ZFR2: variants seen among roughly 807,000 people sequenced by gnomAD.
ZFR2 encodes zinc finger RNA binding protein 2, also known as zinc finger RNA-binding protein 2.
A neutral mutation model predicts 105.7 loss-of-function variants in ZFR2; 104 were observed. The ratio of observed to expected loss-of-function variants is 0.98; its 90% CI spans 0.84 to 1.16. The LOEUF (loss-of-function observed/expected upper bound fraction) is 1.16. ZFR2 is among the 50% of genes most tolerant of loss of function. The pLI is 0.00. For missense variants in ZFR2, 1,425 were observed against 1,355.5 expected (o/e 1.05, Z -0.80); for synonymous variants, 634 against 597.7 (o/e 1.06, Z -0.89).
chr19:3,807,115 G>A, intron 18 of ZFR2, 57 bp downstream of exon 18: 1 of 1,341,858 alleles, frequency 7.5e-7, no homozygotes, highest in Admixed American at 2.1e-5. Flanking sequence ...ACACTGCACA[G>A]CTGCAAGCCG....
intron 1 of ZFR2, among the ~76,000 whole-genome samples, chr19:3,848,576 G>A (rs981006720): frequency 2.6e-5 from 4 of 152,012 alleles, no homozygotes; most frequent in Non-Finnish European, 4.4e-5. Flanking sequence ...AGGCATGGTG[G>A]TGCACCTGCA....
In ZFR2 at chr19:3,831,733, C is replaced by A; in HGVS notation, c.525G>T (p.Gln175His). 1 of 1,604,172 alleles carries A rather than the reference C, an allele frequency of 6.2e-7. No homozygotes were observed. The highest frequency in any genetic ancestry group is 8.5e-7 in the Non-Finnish European group (1 of 1,175,410). Residue 175 changes from glutamine (Q) to histidine (H), a missense_variant, in exon 4 of 19, where the codon CAG becomes CAT. Gln to His is a conservative substitution (Grantham distance 24). Transcript: ENST00000262961. ...GYTYPTATGV[Q>H]PESSASIVTS... ...TCACGATGGAAGCTGACGACTCGGG[C>A]TGGACGCCTGTCGCCGTGGGGTAGG... is the stretch of plus-strand genomic sequence containing the variant.
chr19:3,814,875 G>T (rs755894622), intron 13 of ZFR2, among the ~76,000 whole-genome samples: 1 of 151,866 alleles, frequency 6.6e-6, no homozygotes, highest in South Asian at 2.1e-4. Flanking sequence ...TCATTCCCTC[G>T]TGCCCACCCC....
chr19:3,847,773 G>C (rs2038197796), intron 1 of ZFR2, among the ~76,000 whole-genome samples: 1 of 151,946 alleles, frequency 6.6e-6, no homozygotes, highest in Non-Finnish European at 1.5e-5. Context: ...TTCTAGAGTG[G>C]CTTCTTGTCC....
At chr19:3,811,396 G>A (rs1052815135) in intron 14 of ZFR2, 30 bp from the exon 15 acceptor site, 29 of 1,549,586 alleles carry the variant, frequency 1.9e-5, no homozygotes, top group Non-Finnish European at 2.4e-5. Context: ...GAGGTGTGCG[G>A]GGAAGGTGCC....
chr19:3,866,887 T>C (rs1032151421), intron 1 of ZFR2, among the ~76,000 whole-genome samples: 1 of 152,176 alleles, frequency 6.6e-6, no homozygotes, highest in Non-Finnish European at 1.5e-5. Context: ...CATAGATTCT[T>C]TCCCTAATAG....
chr19:3,827,005 G>A (rs1487436746), intron 6 of ZFR2, among the ~76,000 whole-genome samples: 1 of 152,126 alleles, frequency 6.6e-6, no homozygotes, highest in African/African-American at 2.4e-5. Flanking sequence ...ACTTTGGGAG[G>A]CTGAGGCGGG....
At position 3,867,717 on chromosome 19, in the gene ZFR2, C is replaced by T. The variant is rs79085362; in HGVS notation, c.53+1248G>A. On this transcript the variant is annotated intron_variant, in intron 1 of 18. Transcript: ENST00000262961. ...CCCTCTTATTTGACCTCAGGACCTC[C>T]TCCCACATAATACTGGCTTCCCGCC... is the stretch of plus-strand genomic sequence containing the variant. 6.2e-3 allele frequency among the ~76,000 whole-genome samples: 946 copies of T among 152,186 alleles called. 12 individuals are homozygous for T. The highest frequency in any genetic ancestry group is 0.022 in the African/African-American group (914 of 41,500).
rs746471793 is a variant in ZFR2, at chr19:3,823,265, C to A, written c.1352G>T (p.Gly451Val). Residue 451 changes from glycine (G) to valine (V), a missense_variant, in exon 8 of 19, where the codon GGC becomes GTC. Gly to Val is a moderately radical substitution (Grantham distance 109, BLOSUM62 -3). Transcript: ENST00000262961. The surrounding 1 kb of genome is among the most constrained non-coding windows in gnomAD (Gnocchi z 5.4). ...PAGCSDAQPVGPEYVEEVFSD... is the reference protein window; with the variant it reads ...PAGCSDAQPVVPEYVEEVFSD... ...ACTTACCTCCTCCACATATTCCGGG[C>A]CCACCGGCTGCGCATCAGAGCAGCC... 4 of 1,613,738 alleles carry A rather than the reference C, an allele frequency of 2.5e-6. No homozygotes were observed. Among genetic ancestry groups the A allele is most frequent in the African/African-American group, 1.3e-5 (1 of 74,862 alleles).
chr19:3,826,423 C>T (rs986209067), intron 6 of ZFR2, among the ~76,000 whole-genome samples: 8 of 151,700 alleles, frequency 5.3e-5, no homozygotes, highest in Admixed American at 1.3e-4. Context: ...CCGAACATGA[C>T]GAAACCCAGG....
chr19:3,866,683 A>C (rs1039298608), intron 1 of ZFR2, among the ~76,000 whole-genome samples: 1 of 152,220 alleles, frequency 6.6e-6, no homozygotes, highest in Non-Finnish European at 1.5e-5. Context: ...GAAAGAAAGA[A>C]GAGAAAGAGA....
chr19:3,850,941 C>CATG (rs1435791134), intron 1 of ZFR2, among the ~76,000 whole-genome samples: 1 of 147,470 alleles, frequency 6.8e-6, no homozygotes, highest in Non-Finnish European at 1.5e-5. Context: ...CAGCAGTGCA[C>CATG]ATGGACAGAG....
intron 5 of ZFR2, among the ~76,000 whole-genome samples, chr19:3,828,043 A>T (rs2037972821): frequency 6.6e-6 from 1 of 151,372 alleles, no homozygotes; most frequent in Non-Finnish European, 1.5e-5. Context: ...CTGGTCTCGA[A>T]CTCCTGACCT....
intron 7 of ZFR2, among the ~76,000 whole-genome samples, chr19:3,824,363 A>T (rs1000733248): frequency 6.6e-6 from 1 of 152,236 alleles, no homozygotes; most frequent in African/African-American, 2.4e-5. Context: ...AGCAATGCAC[A>T]CAAAGCAGTG....
chr19:3,819,386 C>T (rs930955967), intron 11 of ZFR2, among the ~76,000 whole-genome samples, 151 bp from the exon 12 acceptor site: 4 of 152,166 alleles, frequency 2.6e-5, no homozygotes, highest in Non-Finnish European at 4.4e-5. Flanking sequence ...ACAGAGAGCC[C>T]CGGGGTGGGG....
intron 16 of ZFR2, among the ~76,000 whole-genome samples, chr19:3,810,195 T>C (rs2037746337): frequency 6.6e-6 from 1 of 152,048 alleles, no homozygotes; most frequent in Non-Finnish European, 1.5e-5. Flanking sequence ...TGTGGATGGC[T>C]GGCTTGTGGC....
chr19:3,806,268 C>T (rs554961642), intron 18 of ZFR2, 143 bp from the exon 19 acceptor site: 280 of 962,360 alleles, frequency 2.9e-4, no homozygotes, highest in Non-Finnish European at 3.5e-4. Flanking sequence ...GGCCCCCCGC[C>T]GCTTTCTTTT....
At chr19:3,850,433 C>T (rs942499673) in intron 1 of ZFR2, among the ~76,000 whole-genome samples, 1 of 151,978 alleles carries the variant, frequency 6.6e-6, no homozygotes, top group Middle Eastern at 3.2e-3. Context: ...TCATGACAAG[C>T]TTTGGCCTGA....
chr19:3,817,901 G>C (rs2037843611), intron 12 of ZFR2, among the ~76,000 whole-genome samples: 3 of 152,222 alleles, frequency 2.0e-5, no homozygotes, highest in Admixed American at 1.3e-4. Flanking sequence ...AGGCCAAGTG[G>C]ATCAGCCAGA....
Sources: gnomAD v4.1 joint callset for allele counts (sites outside exome capture counted in the v4.1 genomes callset) on GRCh38, gnomAD v4.1.1 for gene constraint, Gnocchi (gnomAD v3.1) non-coding constraint, MANE v1.5 for transcripts, NCBI Gene and HGNC (gene_info 2026-07-23, HGNC 2026-07-21) for gene names.